The following C12orf42 variants were observed in gnomAD, a reference collection of about 807,000 sequenced individuals.
The protein encoded by C12orf42 is chromosome 12 open reading frame 42, also known as uncharacterized protein C12orf42.
C12orf42 carries 25 observed loss-of-function variants against 21.6 expected under a neutral mutation model. That is an observed-to-expected ratio of 1.16 (90% CI 0.84 to 1.62). The LOEUF (loss-of-function observed/expected upper bound fraction) is 1.62. Among genes scored for constraint, C12orf42 ranks in the 40% most tolerant of loss-of-function variants. C12orf42 has a pLI of 0.00. For synonymous variants in C12orf42, 174 were observed against 175.0 expected (o/e 0.99, Z 0.05); for missense variants, 483 against 459.3 (o/e 1.05, Z -0.47).
chr12:103,456,386 C>T (rs1280917079), intron 2 of C12orf42: 1 of 152,138 alleles, frequency 6.6e-6, no homozygotes, highest in African/African-American at 2.4e-5. Flanking sequence ...GATGTTGTCA[C>T]TTATGTCTCT....
rs114813686 is a variant in C12orf42, at chr12:103,290,718, A to C, written n.338-13508T>G. Among the ~76,000 whole-genome samples the C allele has an allele frequency of 3.2e-3, 494 of 152,326 alleles. 2 individuals are homozygous for C. Among genetic ancestry groups the C allele is most frequent in the African/African-American group, 0.011 (442 of 41,590 alleles). On this transcript the variant is annotated intron_variant and non_coding_transcript_variant, in intron 4 of 6. Coordinates refer to the C12orf42 transcript ENST00000546526. ...CACACATTATAGAAAGGTAAGTGCAATTTAGGGCTAAGTAAGAAAATGTGG... is the reference window on the plus strand; with the variant it reads ...CACACATTATAGAAAGGTAAGTGCACTTTAGGGCTAAGTAAGAAAATGTGG...
At chr12:103,237,958 A>G (rs2033527782) in intron 10 of C12orf42, 1 of 152,230 alleles carries the variant, frequency 6.6e-6, no homozygotes, top group Non-Finnish European at 1.5e-5. Context: ...AATATGCAAC[A>G]TCACACTGCA....
rs2046345934 is a variant in C12orf42, at chr12:103,383,437, T to C, written c.148-14439A>G. Among the ~76,000 whole-genome samples, 2 of 152,100 alleles carry C rather than the reference T, an allele frequency of 1.3e-5. 1 individual carries two copies. The highest frequency in any genetic ancestry group is 4.1e-4 in the South Asian group (2 of 4,828). The stretch of plus-strand genomic sequence containing the variant: ...TTTAAAAGGGCATAGTATTCTATAA[T>C]ATTAAGAATGCATTGAAACAATCCC... On this transcript the variant is annotated intron_variant, in intron 3 of 5. Transcript: ENST00000548883.
chr12:103,242,473 G>A (rs139932569), intron 10 of C12orf42, among the ~76,000 whole-genome samples: 34 of 152,226 alleles, frequency 2.2e-4, no homozygotes, highest in African/African-American at 7.9e-4. Context: ...ATTGGTCTGT[G>A]AAATATTGTT....
intron 2 of C12orf42, among the ~76,000 whole-genome samples, chr12:103,447,674 A>G (rs1951665149): frequency 6.6e-6 from 1 of 151,960 alleles, no homozygotes; most frequent in African/African-American, 2.4e-5. Context: ...TCAAATCAAG[A>G]ACTCAACCCC....
At chr12:103,104,970 A>G in the C12orf42 span, among the ~76,000 whole-genome samples, 1 of 152,216 alleles carries the variant, frequency 6.6e-6, no homozygotes, top group Non-Finnish European at 1.5e-5. Flanking sequence ...CCCATGAAGT[A>G]TCAAAACCCA....
chr12:103,435,550 G>T (rs572558548), intron 2 of C12orf42, among the ~76,000 whole-genome samples: 1 of 152,278 alleles, frequency 6.6e-6, no homozygotes, highest in East Asian at 1.9e-4. Flanking sequence ...ACAGAGAAGT[G>T]CTTAAAGGAG....
the C12orf42 span, among the ~76,000 whole-genome samples, chr12:103,125,146 T>A: frequency 9.2e-5 from 14 of 152,134 alleles, no homozygotes; most frequent in African/African-American, 3.1e-4. Flanking sequence ...TCATATTCTG[T>A]TTTTTGGTCC....
intron 2 of C12orf42, among the ~76,000 whole-genome samples, chr12:103,436,429 A>G (rs1253044026): frequency 6.6e-6 from 1 of 152,134 alleles, no homozygotes; most frequent in Non-Finnish European, 1.5e-5. Flanking sequence ...AATGGACTAA[A>G]TGCTCCAATT....
chr12:103,202,657 A>G, the C12orf42 span, among the ~76,000 whole-genome samples: 1 of 152,176 alleles, frequency 6.6e-6, no homozygotes, highest in African/African-American at 2.4e-5. Context: ...TCCTGACTCC[A>G]ATATAAGGAG....
the C12orf42 span, among the ~76,000 whole-genome samples, chr12:103,162,001 T>A: frequency 0.29 from 44,455 of 151,990 alleles, 6,867 homozygotes; most frequent in East Asian, 0.4. Context: ...GTTTGGGGAA[T>A]ATAAAAGAAG....
At chr12:103,105,201 A>G in the C12orf42 span, among the ~76,000 whole-genome samples, 2 of 152,182 alleles carry the variant, frequency 1.3e-5, no homozygotes, top group Admixed American at 1.3e-4. Context: ...CAAAAATTAC[A>G]ATCATATGGG....
the C12orf42 span, among the ~76,000 whole-genome samples, chr12:103,126,647 A>T: frequency 2.0e-5 from 3 of 152,120 alleles, no homozygotes; most frequent in Non-Finnish European, 4.4e-5. Context: ...CATGATAGAA[A>T]ACCTCATGAA....
chr12:103,451,919 A>T (rs1216970896), intron 2 of C12orf42, among the ~76,000 whole-genome samples: 1 of 151,898 alleles, frequency 6.6e-6, no homozygotes, highest in Non-Finnish European at 1.5e-5. Context: ...AACAGCACTC[A>T]ATTTCTAGGT....
intron 3 of C12orf42, among the ~76,000 whole-genome samples, chr12:103,388,772 A>G (rs747504407): frequency 6.6e-6 from 1 of 152,218 alleles, no homozygotes; most frequent in Non-Finnish European, 1.5e-5. Context: ...CTAGACTTTA[A>G]TAAGACATAT....
chr12:103,419,818 A>G (rs1042991302), intron 2 of C12orf42, among the ~76,000 whole-genome samples: 2 of 152,266 alleles, frequency 1.3e-5, no homozygotes, highest in African/African-American at 4.8e-5. Context: ...TGGGGCCCGA[A>G]CCCTGATATT....
At chr12:103,504,153 C>A in the C12orf42 span, 3 of 152,656 alleles carry the variant, frequency 2.0e-5, no homozygotes, top group Non-Finnish European at 4.4e-5. Context: ...GCAGGAGTGA[C>A]CCCGGCAGCA....
At chr12:103,187,928 C>T in the C12orf42 span, among the ~76,000 whole-genome samples, 3 of 152,144 alleles carry the variant, frequency 2.0e-5, no homozygotes, top group Non-Finnish European at 4.4e-5. Flanking sequence ...TACAATTATA[C>T]CAAGTTTTAA....
chr12:103,423,269 C>A (rs2050082050), intron 2 of C12orf42, among the ~76,000 whole-genome samples: 1 of 152,166 alleles, frequency 6.6e-6, no homozygotes, highest in Non-Finnish European at 1.5e-5. Context: ...CCCCCCTTGG[C>A]CCCTGGTCTG....
Sources: allele counts gnomAD v4.1 joint callset (sites outside exome capture counted in the v4.1 genomes callset), GRCh38; gene constraint gnomAD v4.1.1; transcripts MANE v1.5; gene names NCBI Gene and HGNC (gene_info 2026-07-23, HGNC 2026-07-21).